KCNK13: variants seen among roughly 807,000 people sequenced by gnomAD.
The protein encoded by KCNK13 is potassium channel subfamily K member 13.
A neutral mutation model predicts 23.4 loss-of-function variants in KCNK13; 12 were observed. That is an observed-to-expected ratio of 0.51 (90% CI 0.33 to 0.83). The LOEUF (loss-of-function observed/expected upper bound fraction) is 0.83. Ranked by LOEUF, KCNK13 falls within the 40% of genes least tolerant of loss-of-function variation. KCNK13 has a pLI of 0.02. For synonymous variants in KCNK13, 231 were observed against 229.5 expected (o/e 1.01, Z -0.06); for missense variants, 463 against 556.3 (o/e 0.83, Z 1.69).
At chr14:90,119,400 T>C (rs185211170) in intron 1 of KCNK13, among the ~76,000 whole-genome samples, 168 of 152,250 alleles carry the variant, frequency 1.1e-3, no homozygotes, top group African/African-American at 3.9e-3. Flanking sequence ...CTCAATAAAA[T>C]ACCTGTAAAC....
At chr14:90,080,487 GA>G (rs1889194907) in intron 1 of KCNK13, among the ~76,000 whole-genome samples, 1 of 151,616 alleles carries the variant, frequency 6.6e-6, no homozygotes, top group South Asian at 2.1e-4. Flanking sequence ...TAAAAAATTG[GA>G]AAAAAAGAAG....
At chr14:90,100,313 A>G (rs981116908) in intron 1 of KCNK13, among the ~76,000 whole-genome samples, 45 of 152,150 alleles carry the variant, frequency 3.0e-4, no homozygotes, top group African/African-American at 8.9e-4. Flanking sequence ...TTGGTGACCT[A>G]TTTATCACTG....
At position 90,184,745 on chromosome 14, in the gene KCNK13, C is replaced by T; in HGVS notation, c.969C>T (p.Cys323=). ...VVMPGSVRNR[C]NISIETDGVA... ...TGCCAGGCAGCGTCCGGAACCGCTG[C>T]AACATCTCCATAGAGACAGACGGGG... The change falls in exon 2 of 2, where the codon TGC becomes TGT. Residue 323 remains cysteine, a synonymous_variant. Coordinates refer to ENST00000282146, the MANE Select transcript of KCNK13 (RefSeq NM_022054.4). This position sits in a 1 kb window ranked among gnomAD's most constrained non-coding sequence, Gnocchi z 5.6. The T allele has an allele frequency of 1.2e-6, 2 of 1,614,178 alleles. No individual in the cohort carries two copies. The highest frequency in any genetic ancestry group is 1.7e-6 in the Non-Finnish European group (2 of 1,180,034).
At chr14:90,164,762 C>T (rs111999704) in intron 1 of KCNK13, among the ~76,000 whole-genome samples, 1 of 152,154 alleles carries the variant, frequency 6.6e-6, no homozygotes, top group Non-Finnish European at 1.5e-5. Flanking sequence ...ATGCTTTATT[C>T]TTGACACTTA....
intron 1 of KCNK13, among the ~76,000 whole-genome samples, chr14:90,126,329 G>C (rs1889799181): frequency 6.6e-6 from 1 of 152,146 alleles, no homozygotes; most frequent in Non-Finnish European, 1.5e-5. Flanking sequence ...GCCGAGGAAT[G>C]TCTAACTTTG....
chr14:90,075,392 A>T (rs1340184911), intron 1 of KCNK13, among the ~76,000 whole-genome samples: 2 of 152,160 alleles, frequency 1.3e-5, no homozygotes, highest in East Asian at 3.8e-4. Context: ...GCTTCTTTAA[A>T]TGACATTTTT....
At chr14:90,091,041 A>T (rs906470169) in intron 1 of KCNK13, among the ~76,000 whole-genome samples, 4 of 152,212 alleles carry the variant, frequency 2.6e-5, no homozygotes, top group African/African-American at 9.7e-5. Flanking sequence ...CCTGCCATTC[A>T]TCTCTATGTT....
Position 90,071,838 on chromosome 14 carries a change from C to T in KCNK13, c.334+9299C>T, listed in dbSNP as rs367594254. Among the ~76,000 whole-genome samples, 84 of 151,694 alleles carry T rather than the reference C, an allele frequency of 5.5e-4. 3 individuals carry two copies. In the South Asian group the frequency reaches 0.017, roughly 31 times the overall value. On this transcript the variant is annotated intron_variant, in intron 1 of 1. Transcript: ENST00000282146. Reference sequence around the variant, plus strand: ...ACTTGAACCTGGAAGGCGGAAGTTGCAGTGAGCCGAGATCGCACCACTGCA... The same window carrying T: ...ACTTGAACCTGGAAGGCGGAAGTTGTAGTGAGCCGAGATCGCACCACTGCA...
Position 90,184,437 on chromosome 14 carries a change from G to A in KCNK13, c.661G>A (p.Gly221Ser), listed in dbSNP as rs762257953. 4.3e-6 allele frequency: 7 copies of A among 1,614,236 alleles called. No individual in the cohort carries two copies. In the South Asian group the frequency reaches 6.6e-5, roughly 15 times the overall value. The change falls in exon 2 of 2, where the codon GGC becomes AGC. Residue 221 changes from glycine (G) to serine (S), a missense_variant. Physicochemically the swap from Gly to Ser is moderately conservative, Grantham distance 56. Coordinates refer to ENST00000282146, the MANE Select transcript of KCNK13 (RefSeq NM_022054.4). The surrounding 1 kb of genome is among the most constrained non-coding windows in gnomAD (Gnocchi z 5.6). ...CASAMYTPIE[G>S]WSYFDSLYFC... ...CTCAGCCATGTACACCCCCATTGAA[G>A]GCTGGAGCTACTTTGACTCACTCTA...
At chr14:90,170,144 C>G (rs977805130) in intron 1 of KCNK13, among the ~76,000 whole-genome samples, 3 of 151,860 alleles carry the variant, frequency 2.0e-5, no homozygotes, top group African/African-American at 4.8e-5. Context: ...ATCATCCAAG[C>G]ATTTAACTAA....
chr14:90,076,820 A>G (rs541165943), intron 1 of KCNK13, among the ~76,000 whole-genome samples: 3 of 150,796 alleles, frequency 2.0e-5, no homozygotes, highest in African/African-American at 7.3e-5. Flanking sequence ...TTAAAAAAAA[A>G]TTTTTTTTTT....
chr14:90,184,270 T>G lies in KCNK13; in HGVS notation c.494T>G (p.Leu165Arg). Residue 165 changes from leucine to arginine, a missense_variant, in exon 2 of 2, where the codon CTC becomes CGC. This residue lies in a region of KCNK13 where 144 missense variants were observed against 224.0 expected (regional missense o/e 0.64). Coordinates refer to ENST00000282146, the MANE Select transcript of KCNK13 (RefSeq NM_022054.4). This position sits in a 1 kb window ranked among gnomAD's most constrained non-coding sequence, Gnocchi z 5.6. ...YIMKSCHQRQ[L>R]RRRGALPQES... is the part of the protein sequence containing the mutation. Reference sequence around the variant, plus strand: ...ATGAAGTCGTGCCACCAGCGGCAGCTCCGGAGACGAGGGGCCCTGCCCCAG... The same window carrying G: ...ATGAAGTCGTGCCACCAGCGGCAGCGCCGGAGACGAGGGGCCCTGCCCCAG... 1 of 1,614,200 alleles carries G rather than the reference T, an allele frequency of 6.2e-7. No individual in the cohort carries two copies. Among genetic ancestry groups the G allele is most frequent in the South Asian group, 1.1e-5 (1 of 91,080 alleles).
chr14:90,174,427 G>T (rs571530862), intron 1 of KCNK13, among the ~76,000 whole-genome samples: 21 of 152,278 alleles, frequency 1.4e-4, no homozygotes, highest in African/African-American at 5.1e-4. Context: ...CTCCCACCAG[G>T]TCCCTCCTTT....
At chr14:90,068,462 G>A (rs1889034409) in intron 1 of KCNK13, among the ~76,000 whole-genome samples, 2 of 152,228 alleles carry the variant, frequency 1.3e-5, no homozygotes, top group African/African-American at 4.8e-5. Flanking sequence ...GCCAGGTGTG[G>A]TGGTGCAGGC....
chr14:90,097,056 G>A (rs1484414616), intron 1 of KCNK13, among the ~76,000 whole-genome samples: 2 of 152,052 alleles, frequency 1.3e-5, no homozygotes, highest in African/African-American at 4.8e-5. Context: ...GAAGGGGAGT[G>A]GGAGATGAAA....
intron 1 of KCNK13, among the ~76,000 whole-genome samples, chr14:90,166,782 C>T (rs1890308697): frequency 6.6e-6 from 1 of 151,984 alleles, no homozygotes; most frequent in African/African-American, 2.4e-5. Flanking sequence ...GGAAGGAGAG[C>T]TGCAGAGGCA....
chr14:90,176,609 GC>G (rs1338654738), intron 1 of KCNK13, among the ~76,000 whole-genome samples: 1 of 152,220 alleles, frequency 6.6e-6, no homozygotes, highest in Non-Finnish European at 1.5e-5. Flanking sequence ...TGCAAGTCAA[GC>G]TTTGGTTCCT....
At chr14:90,147,434 A>T (rs865961282) in intron 1 of KCNK13, among the ~76,000 whole-genome samples, 2,505 of 16,532 alleles carry the variant, frequency 0.15, 93 homozygotes, top group African/African-American at 0.29. Context: ...TTGGGATAGG[A>T]TCTTCTTTCT....
chr14:90,109,538 A>G (rs1889589175), intron 1 of KCNK13, among the ~76,000 whole-genome samples: 1 of 149,494 alleles, frequency 6.7e-6, no homozygotes, highest in African/African-American at 2.5e-5. Flanking sequence ...CCTCCCGAGT[A>G]GCTGGGACTA....
Sources: gnomAD v4.1 joint callset for allele counts (sites outside exome capture counted in the v4.1 genomes callset) on GRCh38, gnomAD v4.1.1 for gene constraint, gnomAD v4.1.1 regional missense constraint, Gnocchi (gnomAD v3.1) non-coding constraint, MANE v1.5 for transcripts, NCBI Gene and HGNC (gene_info 2026-07-23, HGNC 2026-07-21) for gene names.